Variants in PRKCH observed in about 807,000 individuals in gnomAD.
PRKCH encodes the protein protein kinase C eta.
A neutral mutation model predicts 82.5 loss-of-function variants in PRKCH; 28 were observed. The ratio of observed to expected loss-of-function variants is 0.34; its 90% CI spans 0.25 to 0.47. The LOEUF (loss-of-function observed/expected upper bound fraction) is 0.47. Among genes scored for constraint, PRKCH ranks in the 20% least tolerant of loss-of-function variants. PRKCH has a pLI of 1.00. For missense variants in PRKCH, 705 were observed against 881.8 expected (o/e 0.80, Z 2.54); for synonymous variants, 322 against 327.4 (o/e 0.98, Z 0.18).
chr14:61,217,946 T>C (rs2044626809), intron 1 of PRKCH, among the ~76,000 whole-genome samples: 1 of 152,196 alleles, frequency 6.6e-6, no homozygotes, highest in Non-Finnish European at 1.5e-5. Context: ...CTTGGAACCA[T>C]ATGAAGATTG....
chr14:61,210,877 T>C (rs1170317025), intron 1 of PRKCH, among the ~76,000 whole-genome samples: 1 of 151,912 alleles, frequency 6.6e-6, no homozygotes, highest in East Asian at 1.9e-4. Flanking sequence ...CTATGAATGA[T>C]ATGGAAGGAG....
intron 1 of PRKCH, among the ~76,000 whole-genome samples, chr14:61,335,615 T>C (rs1482229944): frequency 1.3e-5 from 2 of 152,232 alleles, no homozygotes; most frequent in Non-Finnish European, 2.9e-5. Context: ...CTAGATATAA[T>C]TGATTCTTGC....
intron 9 of PRKCH, among the ~76,000 whole-genome samples, chr14:61,466,281 C>G (rs891172283): frequency 6.6e-6 from 1 of 152,212 alleles, no homozygotes; most frequent in African/African-American, 2.4e-5. Context: ...GACCAGACCC[C>G]TGGTCTCTCA....
intron 1 of PRKCH, among the ~76,000 whole-genome samples, chr14:61,379,262 C>T (rs1189728073): frequency 6.6e-6 from 1 of 152,136 alleles, no homozygotes; most frequent in African/African-American, 2.4e-5. Flanking sequence ...AGGCATTGTA[C>T]AAACGTTCCC....
intron 1 of PRKCH, among the ~76,000 whole-genome samples, chr14:61,237,018 T>C (rs1054846365): frequency 6.6e-6 from 1 of 152,146 alleles, no homozygotes; most frequent in Non-Finnish European, 1.5e-5. Flanking sequence ...TGCTTCCACT[T>C]TACCCTATGG....
intron 1 of PRKCH, among the ~76,000 whole-genome samples, chr14:61,242,649 C>T (rs1046089589): frequency 2.6e-5 from 4 of 152,216 alleles, no homozygotes; most frequent in Non-Finnish European, 4.4e-5. Context: ...CCCCCCTCCT[C>T]GGCCTCCCAA....
Position 61,453,330 on chromosome 14 carries a change from C to G in PRKCH, c.937C>G (p.Pro313Ala), listed in dbSNP as rs753172125. 5 of 1,613,300 alleles carry G rather than the reference C, an allele frequency of 3.1e-6. No individual in the cohort carries two copies. The East Asian group carries it at 1.1e-4, about 36-fold the overall frequency. ...GACCCTGGCAGGGATGGGTCTCCAA[C>G]CCGGAAATATTTCTCCAACCTCGGT... ...AKTLAGMGLQPGNISPTSKLV... is the reference protein window; with the variant it reads ...AKTLAGMGLQAGNISPTSKLV... The change falls in exon 7 of 14, where the codon CCC becomes GCC. Residue 313 changes from proline to alanine, a missense_variant. By Grantham distance (27) the Pro-to-Ala change is conservative. Transcript: ENST00000332981.
intron 2 of PRKCH, among the ~76,000 whole-genome samples, chr14:61,441,013 G>A (rs1219714695): frequency 2.0e-5 from 3 of 151,396 alleles, no homozygotes; most frequent in African/African-American, 7.3e-5. Context: ...AACCTCCTGG[G>A]CTCAAGTGAT....
intron 10 of PRKCH, chr14:61,525,624 A>C (rs2042955716): frequency 6.6e-6 from 1 of 152,210 alleles, no homozygotes; most frequent in Non-Finnish European, 1.5e-5. Flanking sequence ...CTGAGTAATA[A>C]GCAGTCAGAC....
At chr14:61,541,121 C>A (rs1472760663) in intron 12 of PRKCH, among the ~76,000 whole-genome samples, 2 of 152,268 alleles carry the variant, frequency 1.3e-5, no homozygotes, top group Non-Finnish European at 2.9e-5. Context: ...CCCTGCATGA[C>A]CACTGCCCTG....
intron 2 of PRKCH, among the ~76,000 whole-genome samples, chr14:61,418,579 C>G (rs917123029): frequency 6.6e-6 from 1 of 152,182 alleles, no homozygotes; most frequent in African/African-American, 2.4e-5. Flanking sequence ...TGAGAAATGT[C>G]TCAGAGAACC....
intron 1 of PRKCH, among the ~76,000 whole-genome samples, chr14:61,314,122 A>G (rs1427491723): frequency 6.6e-6 from 1 of 152,256 alleles, no homozygotes; most frequent in African/African-American, 2.4e-5. Context: ...AAATGTTTGC[A>G]GTGACTAAAT....
At chr14:61,244,899 CCTAATAAAACGA>C (rs2044867422) in intron 1 of PRKCH, among the ~76,000 whole-genome samples, 1 of 152,176 alleles carries the variant, frequency 6.6e-6, no homozygotes, top group Non-Finnish European at 1.5e-5. Flanking sequence ...TTATGGTTAT[CCTAATAAAACGA>C]AGGAATGTGT....
intron 1 of PRKCH, among the ~76,000 whole-genome samples, chr14:61,193,242 C>T (rs540419838): frequency 3.9e-5 from 6 of 152,178 alleles, no homozygotes; most frequent in Admixed American, 6.5e-5. Context: ...ACATGTTTGC[C>T]TTAACTGCTG....
At chr14:61,512,347 G>A (rs1887416116) in intron 10 of PRKCH, among the ~76,000 whole-genome samples, 1 of 150,568 alleles carries the variant, frequency 6.6e-6, no homozygotes, top group South Asian at 2.1e-4. Context: ...GAAAATCCAG[G>A]AGTAGAACTC....
intron 9 of PRKCH, among the ~76,000 whole-genome samples, chr14:61,481,024 C>G (rs962267428): frequency 6.6e-6 from 1 of 151,900 alleles, no homozygotes; most frequent in African/African-American, 2.4e-5. Context: ...CAAATTCCAC[C>G]TCCACCTCCA....
intron 10 of PRKCH, among the ~76,000 whole-genome samples, chr14:61,507,355 A>T (rs1887193352): frequency 6.6e-6 from 1 of 152,172 alleles, no homozygotes; most frequent in African/African-American, 2.4e-5. Context: ...TGGTGCAGCC[A>T]CTAAGCAAAA....
intron 1 of PRKCH, among the ~76,000 whole-genome samples, chr14:61,351,377 C>A (rs563416393): frequency 1.3e-5 from 2 of 152,028 alleles, no homozygotes; most frequent in South Asian, 4.2e-4. Context: ...GAGAGATGGG[C>A]GAGGAGTGCA....
chr14:61,428,844 A>AT (rs756233549), intron 2 of PRKCH, among the ~76,000 whole-genome samples: 32 of 151,400 alleles, frequency 2.1e-4, no homozygotes, highest in Admixed American at 3.3e-4. Context: ...AGTTAAAAAC[A>AT]TTTTTTTTTC....
Sources: allele counts gnomAD v4.1 joint callset (sites outside exome capture counted in the v4.1 genomes callset), GRCh38; gene constraint gnomAD v4.1.1; transcripts MANE v1.5; gene names NCBI Gene and HGNC (gene_info 2026-07-23, HGNC 2026-07-21).